AKR7A2: variants seen among roughly 807,000 people sequenced by gnomAD.
The protein encoded by AKR7A2 is aldo-keto reductase family 7 member A2.
In AKR7A2, 29 loss-of-function variants were observed where a neutral mutation model predicts 37.3. That is an observed-to-expected ratio of 0.78 (90% CI 0.58 to 1.06). AKR7A2 has a LOEUF of 1.06. Ranked by LOEUF, AKR7A2 falls within the 50% of genes least tolerant of loss-of-function variation. AKR7A2 has a pLI of 0.00. For synonymous variants in AKR7A2, 228 were observed against 217.8 expected, an observed-to-expected ratio of 1.05 and a Z score of -0.41; for missense variants, 529 against 497.9, an observed-to-expected ratio of 1.06 and a Z score of -0.59.
intron 5 of AKR7A2, among the ~76,000 whole-genome samples, chr1:19,306,713 T>C (rs1308210116): frequency 6.6e-6 from 1 of 152,028 alleles, no homozygotes; most frequent in African/African-American, 2.4e-5. Context: ...ATTACAGGTG[T>C]GAGCCACCAT....
chr1:19,308,354 G>A, intron 2 of AKR7A2, 92 bp from the exon 3 acceptor site: 1 of 1,595,810 alleles, frequency 6.3e-7, no homozygotes, highest in Non-Finnish European at 8.6e-7. Flanking sequence ...GCTATTCCCT[G>A]CCCCACCCTG....
intron 6 of AKR7A2, 149 bp downstream of exon 6, chr1:19,305,869 A>AG: frequency 7.5e-7 from 1 of 1,327,082 alleles, no homozygotes; most frequent in Non-Finnish European, 1.1e-6. Flanking sequence ...CTCAGATACC[A>AG]TCAAAGACCA....
At position 19,304,451 on chromosome 1, in the gene AKR7A2, C is replaced by T. The variant is rs934753654; in HGVS notation, c.919-65G>A. On this transcript the variant is annotated intron_variant, in intron 6 of 6. Transcript: ENST00000235835. ...CACAGCGACTCCACTCACAGCCGTCCCAGCCACCTCCCTGCTGAGATCTGG... is the reference window on the plus strand; with the variant it reads ...CACAGCGACTCCACTCACAGCCGTCTCAGCCACCTCCCTGCTGAGATCTGG... 1.4e-5 allele frequency: 23 copies of T among 1,613,136 alleles called. No homozygotes were observed. The East Asian group carries it at 4.5e-4, about 31-fold the overall frequency.
rs571654723 is a variant in AKR7A2, at chr1:19,305,104, G to T, written c.919-718C>A. On this transcript the variant is annotated intron_variant, in intron 6 of 6. Transcript: ENST00000235835. ...AATATGGAACACTTCACAAATTTGC[G>T]TGTCATCCTTGCGCAGGGGCCATAC... 2.6e-5 allele frequency: 4 copies of T among 156,698 alleles called. No individual in the cohort carries two copies. The East Asian group carries it at 7.6e-4, about 30-fold the overall frequency. The allele number at this position is 156,698 out of a possible 1,614,324, so 9.7% of individuals were successfully genotyped here.
At chr1:19,305,110 T>A (rs2093758872) in intron 6 of AKR7A2, 1 of 157,190 alleles carries the variant, frequency 6.4e-6, no homozygotes, top group Non-Finnish European at 1.4e-5. Context: ...TTGCGTGTCA[T>A]CCTTGCGCAG....
Position 19,306,166 on chromosome 1 carries a change from A to G in AKR7A2, c.789-19T>C, listed in dbSNP as rs769980171. On this transcript the variant is annotated intron_variant, in intron 5 of 6. Coordinates refer to ENST00000235835, the MANE Select transcript of AKR7A2 (RefSeq NM_003689.4). The stretch of plus-strand genomic sequence containing the variant: ...CCAGAAGCTGTGCAGAGGGGATGTT[A>G]GCACAGGGGTCAGTACCATGGGGGT... 6 of 1,614,024 alleles carry G rather than the reference A, an allele frequency of 3.7e-6. No homozygotes were observed. In the African/African-American group the frequency reaches 6.7e-5, roughly 18 times the overall value.
chr1:19,312,111 G>T lies in AKR7A2; in HGVS notation c.14C>A (p.Ala5Glu). The change falls in exon 1 of 7, where the codon GCG becomes GAG. Residue 5 changes from alanine (A) to glutamate (E), a missense_variant. By Grantham distance (107) the Ala-to-Glu change is moderately radical (BLOSUM62 -1). Transcript: ENST00000235835. MLSA[A>E]SRVVSRAAVH... ...GGCGGCGCGGGAGACTACGCGAGAC[G>T]CGGCACTCAGCATAGCAGCGGCGCC... 1 of 1,323,226 alleles carries T rather than the reference G, an allele frequency of 7.6e-7. No individual in the cohort carries two copies. The allele number at this position is 1,323,226 out of a possible 1,614,324, so 82.0% of individuals were successfully genotyped here.
intron 1 of AKR7A2, 73 bp from the exon 2 acceptor site, chr1:19,308,715 C>T: frequency 4.9e-6 from 7 of 1,420,754 alleles, no homozygotes; most frequent in Non-Finnish European, 7.0e-6. Flanking sequence ...GGCTAAATTA[C>T]TAATATTCTC....
At chr1:19,308,011 T>A in intron 3 of AKR7A2, 147 bp downstream of exon 3, 2 of 1,022,612 alleles carry the variant, frequency 2.0e-6, no homozygotes, top group South Asian at 2.7e-5. Flanking sequence ...TTGAATGGCA[T>A]CCTGAGGGTA....
intron 3 of AKR7A2, among the ~76,000 whole-genome samples, 171 bp from the exon 4 acceptor site, chr1:19,307,581 G>A (rs2093764074): frequency 6.6e-6 from 1 of 152,200 alleles, no homozygotes; most frequent in African/African-American, 2.4e-5. Context: ...ACAGAAAATT[G>A]AAGTGGAATG....
At chr1:19,303,116 G>C (rs564502340), downstream of AKR7A2, among the ~76,000 whole-genome samples, 18 of 150,146 alleles carry the variant, frequency 1.2e-4, no homozygotes, top group Non-Finnish European at 2.1e-4. Context: ...TGACAACATA[G>C]GGAGATCTCC....
downstream of AKR7A2, among the ~76,000 whole-genome samples, chr1:19,303,103 CG>C (rs2093755252): frequency 1.3e-5 from 2 of 150,168 alleles, no homozygotes; most frequent in South Asian, 4.3e-4. Context: ...ACAGAAAAGA[CG>C]GTGACAACAT....
At chr1:19,308,735 A>G in intron 1 of AKR7A2, 93 bp from the exon 2 acceptor site, 2 of 1,259,602 alleles carry the variant, frequency 1.6e-6, no homozygotes, top group South Asian at 2.5e-5. Flanking sequence ...CTTGGCCTCA[A>G]TTGTATGATC....
chr1:19,311,549 CG>C (rs1384879583), intron 1 of AKR7A2, among the ~76,000 whole-genome samples: 2 of 147,408 alleles, frequency 1.4e-5, no homozygotes, highest in Non-Finnish European at 3.0e-5. Context: ...GGTTTGGAGG[CG>C]GGGGCATCAA....
chr1:19,311,522 G>A (rs913134004), intron 1 of AKR7A2, among the ~76,000 whole-genome samples: 1 of 152,162 alleles, frequency 6.6e-6, no homozygotes, highest in African/African-American at 2.4e-5. Context: ...GTGGGGACCG[G>A]TTGTGGGCAC....
chr1:19,308,618 G>A lies in AKR7A2; in HGVS notation c.323C>T (p.Pro108Leu), dbSNP rs201135912. 2.3e-4 allele frequency: 367 copies of A among 1,614,178 alleles called. 3 individuals are homozygous for A. The Middle Eastern group carries it at 2.8e-3, about 12-fold the overall frequency. The change falls in exon 2 of 7, where the codon CCT becomes CTT. Residue 108 changes from proline (P) to leucine (L), a missense_variant. Pro to Leu is a moderately conservative substitution (Grantham distance 98, BLOSUM62 -3). Coordinates refer to ENST00000235835, the MANE Select transcript of AKR7A2 (RefSeq NM_003689.4). ...AGGCTTTAGTGATTTTCCATCCCAA[G>A]GGTTGGCCTTGGTGGCAATTTTCAC... is the stretch of plus-strand genomic sequence containing the variant. ...CRVKIATKAN[P>L]WDGKSLKPDS...
At position 19,306,078 on chromosome 1, in the gene AKR7A2, G is replaced by A. The variant is rs1401632505; in HGVS notation, c.858C>T (p.Ala286=). 3.7e-6 allele frequency: 6 copies of A among 1,614,056 alleles called. No homozygotes were observed. The highest frequency in any genetic ancestry group is 2.2e-5 in the East Asian group (1 of 44,898). ...CAGCCGAGGTCACACTGGGGGCGCTGGCGCCATATGCGGCCTGCAGGGCCT... is the reference window on the plus strand; with the variant it reads ...CAGCCGAGGTCACACTGGGGGCGCTAGCGCCATATGCGGCCTGCAGGGCCT... ...VEKALQAAYG[A]SAPSVTSAAL... is the part of the protein sequence containing the mutation. The change falls in exon 6 of 7, where the codon GCC becomes GCT. Residue 286 remains alanine (A), a synonymous_variant. Transcript: ENST00000235835.
In AKR7A2 at chr1:19,308,271, G is replaced by C; in HGVS notation, c.487-9C>G. The C allele has an allele frequency of 6.2e-7, 1 of 1,614,216 alleles. No homozygotes were observed. Among genetic ancestry groups the C allele is most frequent in the Non-Finnish European group, 8.5e-7 (1 of 1,180,028 alleles). ...AGCTCCACGAACTTGCCCTGCATGGGTGAGGCTCCAGTCAGAACGCAGTGT... is the reference window on the plus strand; with the variant it reads ...AGCTCCACGAACTTGCCCTGCATGGCTGAGGCTCCAGTCAGAACGCAGTGT... On this transcript the variant is annotated splice_polypyrimidine_tract_variant and intron_variant, in intron 2 of 6. Transcript: ENST00000235835.
chr1:19,308,579 G>C lies in AKR7A2; in HGVS notation c.362C>G (p.Ser121Cys), dbSNP rs767412155. ...GKSLKPDSVRSQLETSLKRLQ... is the reference protein window; with the variant it reads ...GKSLKPDSVRCQLETSLKRLQ... ...CCTCTTCAATGACGTCTCCAGCTGGGACCGGACACTGTCAGGCTTTAGTGA... is the reference window on the plus strand; with the variant it reads ...CCTCTTCAATGACGTCTCCAGCTGGCACCGGACACTGTCAGGCTTTAGTGA... The change falls in exon 2 of 7, where the codon TCC becomes TGC. Residue 121 changes from serine to cysteine, a missense_variant. By Grantham distance (112) the Ser-to-Cys change is moderately radical (BLOSUM62 -1). Coordinates refer to ENST00000235835, the MANE Select transcript of AKR7A2 (RefSeq NM_003689.4). 5 of 1,614,194 alleles carry C rather than the reference G, an allele frequency of 3.1e-6. No individual in the cohort carries two copies. Among genetic ancestry groups the C allele is most frequent in the Non-Finnish European group, 3.4e-6 (4 of 1,180,028 alleles).
Sources: allele counts gnomAD v4.1 joint callset (sites outside exome capture counted in the v4.1 genomes callset), GRCh38; gene constraint gnomAD v4.1.1; transcripts MANE v1.5; gene names NCBI Gene and HGNC (gene_info 2026-07-23, HGNC 2026-07-21).